The following ZBTB20 variants were observed in gnomAD, a reference collection of about 807,000 sequenced individuals.
ZBTB20 encodes the protein zinc finger and BTB domain-containing protein 20.
Under a neutral mutation model 56.9 loss-of-function variants are expected in ZBTB20, and 9 were observed. The observed-to-expected ratio is 0.16, with a 90% CI of 0.10 to 0.28. The LOEUF (loss-of-function observed/expected upper bound fraction) is 0.28. ZBTB20 is among the 10% of genes least tolerant of loss of function. ZBTB20 has a pLI of 1.00. For missense variants in ZBTB20, 655 were observed against 1,003.0 expected (o/e 0.65, Z 4.69); for synonymous variants, 417 against 420.7 (o/e 0.99, Z 0.11).
chr3:115,141,668 T>TTTGTGGAAATTTTAGACTAG (rs1457916353), intron 1 of ZBTB20, among the ~76,000 whole-genome samples: 1 of 152,048 alleles, frequency 6.6e-6, no homozygotes, highest in Non-Finnish European at 1.5e-5. Context: ...TCAAAACAAG[T>TTTGTGGAAATTTTAGACTAG]TTGTGGAAAT....
chr3:115,105,061 G>C, intron 1 of ZBTB20, among the ~76,000 whole-genome samples: 1 of 152,168 alleles, frequency 6.6e-6, no homozygotes, highest in Middle Eastern at 3.4e-3. Flanking sequence ...AAGAAAATTG[G>C]TTCTGGTCCC....
At chr3:114,615,009 C>T (rs551963966) in intron 6 of ZBTB20, among the ~76,000 whole-genome samples, 23 of 152,166 alleles carry the variant, frequency 1.5e-4, no homozygotes, top group East Asian at 5.8e-4. Context: ...CTGCCTGCCT[C>T]GCCTCCCAAA....
chr3:115,092,990 T>C (rs2083254404), intron 1 of ZBTB20, among the ~76,000 whole-genome samples: 1 of 152,156 alleles, frequency 6.6e-6, no homozygotes. Context: ...TATCTACATA[T>C]ATAGCTACTT....
chr3:115,066,422 G>T (rs943088191), intron 2 of ZBTB20, among the ~76,000 whole-genome samples: 2 of 151,922 alleles, frequency 1.3e-5, no homozygotes, highest in African/African-American at 2.4e-5. Context: ...AAAATCCCTT[G>T]AATCCATTCC....
chr3:114,634,347 C>T (rs2059137448), intron 6 of ZBTB20, among the ~76,000 whole-genome samples: 1 of 152,160 alleles, frequency 6.6e-6, no homozygotes, highest in Non-Finnish European at 1.5e-5. Context: ...ATCAAGAAGG[C>T]TGAAGCCTAA....
chr3:114,985,392 A>C (rs2078494815), intron 2 of ZBTB20, among the ~76,000 whole-genome samples: 1 of 152,096 alleles, frequency 6.6e-6, no homozygotes, highest in Non-Finnish European at 1.5e-5. Context: ...AGTCCATTTA[A>C]GAGATAGGTC....
chr3:114,576,489 A>G (rs1378129429), intron 6 of ZBTB20, among the ~76,000 whole-genome samples: 3 of 125,488 alleles, frequency 2.4e-5, no homozygotes, highest in East Asian at 5.2e-4. Flanking sequence ...GTGACAGAGC[A>G]AGACTCCGTC....
intron 6 of ZBTB20, among the ~76,000 whole-genome samples, chr3:114,552,113 G>GT (rs1466247155): frequency 1.3e-5 from 2 of 152,176 alleles, no homozygotes; most frequent in African/African-American, 4.8e-5. Flanking sequence ...TACTCAGGGG[G>GT]TGAGGTGGGA....
At chr3:114,951,083 T>C (rs563659535) in intron 3 of ZBTB20, among the ~76,000 whole-genome samples, 1 of 152,262 alleles carries the variant, frequency 6.6e-6, no homozygotes, top group South Asian at 2.1e-4. Context: ...TGTTTTTTTA[T>C]TGGTCTGGTG....
chr3:114,840,603 A>G (rs1247425450), intron 4 of ZBTB20, among the ~76,000 whole-genome samples: 1 of 152,214 alleles, frequency 6.6e-6, no homozygotes, highest in African/African-American at 2.4e-5. Context: ...TAAGTCAGAT[A>G]TAGAGTCAAA....
chr3:114,595,313 A>G (rs929034467), intron 6 of ZBTB20, among the ~76,000 whole-genome samples: 2 of 152,230 alleles, frequency 1.3e-5, no homozygotes, highest in Non-Finnish European at 1.5e-5. Flanking sequence ...GCTCATAATT[A>G]TGAGGCAATA....
At chr3:114,451,869 C>T (rs1027191564) in intron 7 of ZBTB20, among the ~76,000 whole-genome samples, 3 of 151,986 alleles carry the variant, frequency 2.0e-5, no homozygotes, top group African/African-American at 7.3e-5. Flanking sequence ...ATGTGTCACT[C>T]TCAGGTCAGA....
At chr3:114,873,044 GACT>G (rs1166017018) in intron 4 of ZBTB20, 1 of 152,096 alleles carries the variant, frequency 6.6e-6, no homozygotes, top group Non-Finnish European at 1.5e-5. Context: ...CTTATTTTGA[GACT>G]AATTGAAGAT....
chr3:114,587,464 A>C (rs2107531599), intron 6 of ZBTB20, among the ~76,000 whole-genome samples: 1 of 152,334 alleles, frequency 6.6e-6, no homozygotes, highest in East Asian at 1.9e-4. Context: ...CTACTAGAGA[A>C]TGTTACAGAA....
chr3:114,592,838 A>G (rs2055914826), intron 6 of ZBTB20, among the ~76,000 whole-genome samples: 2 of 152,254 alleles, frequency 1.3e-5, no homozygotes, highest in South Asian at 2.1e-4. Flanking sequence ...AATCTATATT[A>G]TACATTTTCT....
At chr3:115,033,991 G>C (rs2080811331) in intron 2 of ZBTB20, among the ~76,000 whole-genome samples, 1 of 151,312 alleles carries the variant, frequency 6.6e-6, no homozygotes, top group African/African-American at 2.4e-5. Flanking sequence ...ACAAAATAAA[G>C]GGAAAAAACA....
In ZBTB20 at chr3:114,336,862, T is replaced by C. The variant is rs1280667164; in HGVS notation, c.*2143A>G. The stretch of plus-strand genomic sequence containing the variant: ...TTGGTGTTTTGCTTTGTTTAAAGAT[T>C]TGCTTTCCCCTAAGTATGTTAAAAT... On this transcript the variant is annotated 3_prime_UTR_variant, in exon 12 of 12. Transcript: ENST00000675478. 1 of 152,238 alleles carries C rather than the reference T, an allele frequency of 6.6e-6. No homozygotes were observed. Among genetic ancestry groups the C allele is most frequent in the Non-Finnish European group, 1.5e-5 (1 of 68,030 alleles). The allele number at this position is 152,238 out of a possible 1,614,324, so 9.4% of individuals were successfully genotyped here.
chr3:114,786,666 G>A (rs1004073485), intron 5 of ZBTB20, among the ~76,000 whole-genome samples: 4 of 145,994 alleles, frequency 2.7e-5, no homozygotes, highest in African/African-American at 1.1e-4. Context: ...AAAGATTATG[G>A]CTCCAGAATC....
intron 3 of ZBTB20, among the ~76,000 whole-genome samples, chr3:114,922,461 T>C (rs1441476851): frequency 6.6e-6 from 1 of 152,126 alleles, no homozygotes; most frequent in Non-Finnish European, 1.5e-5. Flanking sequence ...TGAAACGATA[T>C]ATGAACCCAA....
Sources: gnomAD v4.1 joint callset for allele counts (sites outside exome capture counted in the v4.1 genomes callset) on GRCh38, gnomAD v4.1.1 for gene constraint, MANE v1.5 for transcripts, NCBI Gene and HGNC (gene_info 2026-07-23, HGNC 2026-07-21) for gene names.